The following BMPR1B variants were observed in gnomAD, a reference collection of about 807,000 sequenced individuals.
The protein encoded by BMPR1B is bone morphogenetic protein receptor type-1B.
A neutral mutation model predicts 59.1 loss-of-function variants in BMPR1B; 12 were observed. The observed-to-expected ratio is 0.20, with a 90% CI of 0.13 to 0.33. The LOEUF (loss-of-function observed/expected upper bound fraction) is 0.33. BMPR1B is among the 10% of genes least tolerant of loss of function. BMPR1B has a pLI of 1.00. For missense variants in BMPR1B, 550 were observed against 610.9 expected (o/e 0.90, Z 1.05); for synonymous variants, 237 against 207.3 (o/e 1.14, Z -1.23).
At position 94,858,705 on chromosome 4, in the gene BMPR1B, A is replaced by G. The variant is rs375963575; in HGVS notation, c.-182-17126A>G. ...ACTCTTGTTATTTGTATTAACTCCAATCAAATGAAAAATGGGGCAGGTAGG... is the reference window on the plus strand; with the variant it reads ...ACTCTTGTTATTTGTATTAACTCCAGTCAAATGAAAAATGGGGCAGGTAGG... On this transcript the variant is annotated intron_variant, in intron 1 of 12. Coordinates refer to ENST00000515059, the MANE Select transcript of BMPR1B (RefSeq NM_001203.3). 7.9e-5 allele frequency among the ~76,000 whole-genome samples: 12 copies of G among 152,208 alleles called. No individual in the cohort carries two copies. In the East Asian group the frequency reaches 2.1e-3, roughly 27 times the overall value.
intron 3 of BMPR1B, among the ~76,000 whole-genome samples, chr4:95,043,526 C>T (rs889109561): frequency 2.0e-5 from 3 of 152,140 alleles, no homozygotes; most frequent in Non-Finnish European, 2.9e-5. Flanking sequence ...ATTTTGTGCA[C>T]AGGCCATGCA....
chr4:94,762,721 T>G (rs1259104387), intron 1 of BMPR1B, among the ~76,000 whole-genome samples: 3 of 152,210 alleles, frequency 2.0e-5, no homozygotes, highest in East Asian at 1.9e-4. Flanking sequence ...AGTACCTGAA[T>G]AAGGCCATGT....
At chr4:94,976,489 C>G (rs1731038014) in intron 2 of BMPR1B, among the ~76,000 whole-genome samples, 1 of 152,176 alleles carries the variant, frequency 6.6e-6, no homozygotes, top group Non-Finnish European at 1.5e-5. Flanking sequence ...ACTTATATAG[C>G]TCTCCTACAT....
chr4:95,061,198 CA>C (rs1235076074), intron 3 of BMPR1B, among the ~76,000 whole-genome samples: 77 of 146,246 alleles, frequency 5.3e-4, no homozygotes, highest in African/African-American at 1.9e-3. Flanking sequence ...CACACACACA[CA>C]CACACACACA....
intron 3 of BMPR1B, among the ~76,000 whole-genome samples, chr4:95,099,885 G>A (rs965333293): frequency 2.6e-5 from 4 of 152,038 alleles, no homozygotes; most frequent in Admixed American, 1.3e-4. Context: ...TACTACATAC[G>A]TACATATTCC....
intron 3 of BMPR1B, among the ~76,000 whole-genome samples, chr4:95,073,969 G>A (rs758923236): frequency 5.9e-5 from 9 of 152,104 alleles, no homozygotes; most frequent in Admixed American, 3.3e-4. Context: ...GTGAATTGTC[G>A]AGATAAACAC....
intron 2 of BMPR1B, among the ~76,000 whole-genome samples, chr4:94,966,962 G>C (rs191297415): frequency 6.6e-6 from 1 of 152,120 alleles, no homozygotes; most frequent in African/African-American, 2.4e-5. Flanking sequence ...GACGGTCCTT[G>C]GGGAAATATT....
chr4:95,139,227 G>GTC (rs1302491421), intron 10 of BMPR1B, among the ~76,000 whole-genome samples: 1 of 152,220 alleles, frequency 6.6e-6, no homozygotes, highest in Non-Finnish European at 1.5e-5. Context: ...CTGCAGAACA[G>GTC]CAAATATTGC....
chr4:95,076,614 G>C (rs1217424317), intron 3 of BMPR1B, among the ~76,000 whole-genome samples: 1 of 152,040 alleles, frequency 6.6e-6, no homozygotes, highest in East Asian at 1.9e-4. Context: ...TGGAGGTTAA[G>C]TAAATTGTCT....
chr4:94,846,543 T>C lies in BMPR1B; in HGVS notation c.-182-29288T>C, dbSNP rs369060586. 1.8e-4 allele frequency among the ~76,000 whole-genome samples: 28 copies of C among 152,198 alleles called. No individual in the cohort carries two copies. The South Asian group carries it at 4.2e-3, about 23-fold the overall frequency. On this transcript the variant is annotated intron_variant, in intron 1 of 12. Transcript: ENST00000515059. ...GGCCTAGCCTCCCAGCCTGTATCTTTCTCCCGTGCTGGATGCTTCCTGCCC... is the reference window on the plus strand; with the variant it reads ...GGCCTAGCCTCCCAGCCTGTATCTTCCTCCCGTGCTGGATGCTTCCTGCCC...
chr4:94,881,658 G>A (rs1014367339), intron 2 of BMPR1B, among the ~76,000 whole-genome samples: 2 of 151,904 alleles, frequency 1.3e-5, no homozygotes. Flanking sequence ...TAGAGACGGG[G>A]TTTCATCACA....
At chr4:95,016,676 A>C (rs1723609197) in intron 3 of BMPR1B, among the ~76,000 whole-genome samples, 1 of 152,224 alleles carries the variant, frequency 6.6e-6, no homozygotes, top group South Asian at 2.1e-4. Context: ...AGTGTTTTCC[A>C]CATCTACTCC....
intron 2 of BMPR1B, among the ~76,000 whole-genome samples, chr4:94,969,167 T>G (rs944523838): frequency 1.3e-5 from 2 of 152,102 alleles, no homozygotes; most frequent in Admixed American, 1.3e-4. Flanking sequence ...CCCAAGTAGC[T>G]GGGACTACAT....
At chr4:94,846,324 G>C (rs9995378) in intron 1 of BMPR1B, among the ~76,000 whole-genome samples, 93,310 of 152,020 alleles carry the variant, frequency 0.61, 29,654 homozygotes, top group African/African-American at 0.78. Context: ...TAATACTGAG[G>C]GTCAACTTGA....
intron 6 of BMPR1B, among the ~76,000 whole-genome samples, chr4:95,117,239 C>T (rs1461637523): frequency 6.6e-6 from 1 of 152,144 alleles, no homozygotes; most frequent in African/African-American, 2.4e-5. Context: ...CTAAAAAGTA[C>T]ATTAATTAAT....
At chr4:95,026,098 A>ATTTCTTTCT (rs1724342718) in intron 3 of BMPR1B, among the ~76,000 whole-genome samples, 1 of 101,622 alleles carries the variant, frequency 9.8e-6, no homozygotes, top group African/African-American at 3.6e-5. Context: ...GCTTTCTTTC[A>ATTTCTTTCT]TTTCTTTCTT....
intron 1 of BMPR1B, among the ~76,000 whole-genome samples, chr4:94,866,170 G>A (rs1383568896): frequency 6.6e-6 from 1 of 152,066 alleles, no homozygotes. Flanking sequence ...TTCCTACTTA[G>A]GAGTTATGTC....
intron 2 of BMPR1B, among the ~76,000 whole-genome samples, chr4:94,926,063 C>G (rs1241878456): frequency 1.1e-5 from 1 of 89,454 alleles, no homozygotes; most frequent in Non-Finnish European, 2.3e-5. Flanking sequence ...CCCTCCCCCC[C>G]AATCCCTCCC....
intron 3 of BMPR1B, among the ~76,000 whole-genome samples, chr4:95,070,013 C>T (rs565671228): frequency 6.6e-6 from 1 of 152,254 alleles, no homozygotes; most frequent in Non-Finnish European, 1.5e-5. Context: ...GCAGGAGAAT[C>T]GCTTGAACCC....
Sources: allele counts gnomAD v4.1 joint callset (sites outside exome capture counted in the v4.1 genomes callset), GRCh38; gene constraint gnomAD v4.1.1; transcripts MANE v1.5; gene names NCBI Gene and HGNC (gene_info 2026-07-23, HGNC 2026-07-21).